Variants in NEDD4 observed in about 807,000 individuals in gnomAD.
NEDD4 encodes E3 ubiquitin-protein ligase NEDD4.
In NEDD4, 99 loss-of-function variants were observed where a neutral mutation model predicts 144.9. That is an observed-to-expected ratio of 0.68 (90% CI 0.58 to 0.81). The LOEUF (loss-of-function observed/expected upper bound fraction) is 0.81. Ranked by LOEUF, NEDD4 falls within the 30% of genes least tolerant of loss-of-function variation. The pLI is 0.00. For synonymous variants in NEDD4, 318 were observed against 350.6 expected (o/e 0.91, Z 1.04); for missense variants, 985 against 1,065.9 (o/e 0.92, Z 1.06).
chr15:55,835,712 T>C (rs1212755734), intron 24 of NEDD4, among the ~76,000 whole-genome samples: 1 of 152,058 alleles, frequency 6.6e-6, no homozygotes, highest in East Asian at 1.9e-4. Context: ...CAATCCTATC[T>C]CAACTCCCTC....
intron 4 of NEDD4, among the ~76,000 whole-genome samples, chr15:55,948,563 G>C (rs1239600862): frequency 6.6e-6 from 1 of 152,048 alleles, no homozygotes; most frequent in African/African-American, 2.4e-5. Context: ...ATACTACAAG[G>C]CTACAGTAAC....
intron 2 of NEDD4, among the ~76,000 whole-genome samples, chr15:55,956,160 G>GT (rs1303846539): frequency 6.6e-6 from 1 of 152,064 alleles, no homozygotes; most frequent in African/African-American, 2.4e-5. Context: ...TACATAGTAG[G>GT]TGTATGTATT....
At position 55,847,032 on chromosome 15, in the gene NEDD4, T is replaced by G. The variant is rs2033779542; in HGVS notation, c.1545A>C (p.Ala515=). 5.7e-6 allele frequency: 9 copies of G among 1,590,294 alleles called. No homozygotes were observed. The highest frequency in any genetic ancestry group is 7.7e-6 in the Non-Finnish European group (9 of 1,169,488). The change falls in exon 18 of 29, where the codon GCA becomes GCC. Residue 515 remains alanine (A), a splice_region_variant and synonymous_variant. Transcript: ENST00000435532. ...TTTTGTAATCCCTGGAGTAGGGCAC[T>G]GCCTTTAGTTGGAAATTTTGGAAAA... is the stretch of plus-strand genomic sequence containing the variant. The part of the protein sequence containing the change: ...RLENVAITGP[A]VPYSRDYKRK...
At chr15:55,936,094 T>C (rs576801899) in intron 4 of NEDD4, among the ~76,000 whole-genome samples, 27 of 152,268 alleles carry the variant, frequency 1.8e-4, no homozygotes, top group Admixed American at 6.5e-4. Context: ...ACTTCAAGTC[T>C]ATAACTTGAA....
chr15:55,829,724 A>T lies in NEDD4; in HGVS notation c.*173T>A. The T allele has an allele frequency of 3.6e-6, 2 of 562,100 alleles. No homozygotes were observed. Among genetic ancestry groups the T allele is most frequent in the Non-Finnish European group, 6.3e-6 (2 of 317,208 alleles). The allele number at this position is 562,100 out of a possible 1,614,324, so 34.8% of individuals were successfully genotyped here. On this transcript the variant is annotated 3_prime_UTR_variant, in exon 29 of 29. Transcript: ENST00000435532. ...TGTGTAAATGCAACACATTATTTAA[A>T]AGTGATTAAAAATAAGTTGTCGTAC...
intron 27 of NEDD4, among the ~76,000 whole-genome samples, chr15:55,831,627 T>C (rs2032954719): frequency 6.6e-6 from 1 of 152,146 alleles, no homozygotes; most frequent in African/African-American, 2.4e-5. Flanking sequence ...CTTTGAGTGG[T>C]TACTCTAGGT....
chr15:55,952,102 G>A (rs879319187), intron 2 of NEDD4, among the ~76,000 whole-genome samples: 2 of 151,880 alleles, frequency 1.3e-5, no homozygotes, highest in Non-Finnish European at 2.9e-5. Context: ...GCCGAGGCGG[G>A]CGGATCATGA....
chr15:55,923,433 A>C (rs1008864898), intron 5 of NEDD4, among the ~76,000 whole-genome samples: 3 of 150,824 alleles, frequency 2.0e-5, no homozygotes, highest in African/African-American at 7.3e-5. Context: ...GGATCACGAG[A>C]TCAGGAGATC....
chr15:55,982,381 C>T (rs1679128579), intron 1 of NEDD4, among the ~76,000 whole-genome samples: 1 of 151,976 alleles, frequency 6.6e-6, no homozygotes, highest in Non-Finnish European at 1.5e-5. Context: ...ATGTGTCCAT[C>T]GAAGGAGAAT....
intron 7 of NEDD4, among the ~76,000 whole-genome samples, chr15:55,870,562 C>T: frequency 6.9e-6 from 1 of 144,936 alleles, no homozygotes; most frequent in Non-Finnish European, 1.5e-5. Context: ...GAGACAGCAT[C>T]TCCCTCTGTC....
chr15:55,927,077 C>CAAAAAAAAAAAAACA (rs2036683642), intron 4 of NEDD4, among the ~76,000 whole-genome samples: 1 of 70,670 alleles, frequency 1.4e-5, no homozygotes, highest in African/African-American at 5.2e-5. Flanking sequence ...GACTACGTCT[C>CAAAAAAAAAAAAACA]AAAAAAAAAA....
At chr15:55,876,254 AG>A (rs2034988961) in intron 5 of NEDD4, among the ~76,000 whole-genome samples, 1 of 152,234 alleles carries the variant, frequency 6.6e-6, no homozygotes, top group African/African-American at 2.4e-5. Flanking sequence ...AATATGCTAT[AG>A]GAAGTTCTTC....
Position 55,910,112 on chromosome 15 carries a change from T to G in NEDD4, c.291+14534A>C, listed in dbSNP as rs137893846. Among the ~76,000 whole-genome samples the G allele has an allele frequency of 1.1e-3, 161 of 152,352 alleles. 2 individuals carry two copies. Among genetic ancestry groups the G allele is most frequent in the African/African-American group, 3.6e-3 (150 of 41,594 alleles). Reference sequence around the variant, plus strand: ...CAGGAAAAAGAGACTGTACTCTCCCTGTAGAGAGGGAGTTTGTCTTATACA... The same window carrying G: ...CAGGAAAAAGAGACTGTACTCTCCCGGTAGAGAGGGAGTTTGTCTTATACA... On this transcript the variant is annotated intron_variant, in intron 5 of 28. Transcript: ENST00000435532.
chr15:55,893,984 T>C (rs2035656176), intron 5 of NEDD4, among the ~76,000 whole-genome samples: 1 of 152,072 alleles, frequency 6.6e-6, no homozygotes, highest in African/African-American at 2.4e-5. Context: ...TCCTAGAAGT[T>C]CAAAATTTAC....
intron 26 of NEDD4, 120 bp downstream of exon 26, chr15:55,833,918 G>A: frequency 1.4e-6 from 1 of 718,182 alleles, no homozygotes; most frequent in Admixed American, 2.6e-5. Flanking sequence ...AATTTTTTCT[G>A]GTCTGTATAT....
At chr15:55,844,276 T>TTC (rs1236019124) in intron 18 of NEDD4, among the ~76,000 whole-genome samples, 2 of 152,080 alleles carry the variant, frequency 1.3e-5, no homozygotes, top group Non-Finnish European at 2.9e-5. Flanking sequence ...TGAATGCAGT[T>TTC]AAGAAGAGAG....
chr15:55,910,611 T>C (rs1178662335), intron 5 of NEDD4, among the ~76,000 whole-genome samples: 1 of 151,446 alleles, frequency 6.6e-6, no homozygotes, highest in Non-Finnish European at 1.5e-5. Context: ...AGGCTTTGAC[T>C]ATACTCCTGA....
chr15:55,920,530 C>T (rs1372729889), intron 5 of NEDD4, among the ~76,000 whole-genome samples: 2 of 152,110 alleles, frequency 1.3e-5, no homozygotes, highest in African/African-American at 4.8e-5. Context: ...TTTTATAACA[C>T]TCAAGTCTTA....
In NEDD4 at chr15:55,916,653, G is replaced by A. The variant is rs773946670; in HGVS notation, c.291+7993C>T. On this transcript the variant is annotated intron_variant, in intron 5 of 28. Coordinates refer to ENST00000435532, the MANE Select transcript of NEDD4 (RefSeq NM_006154.4). Reference sequence around the variant, plus strand: ...AGACTGAACGTTTTCCTTTATTAACGGAGCTAGTGCAGTCTGTCTGGGAGT... The same window carrying A: ...AGACTGAACGTTTTCCTTTATTAACAGAGCTAGTGCAGTCTGTCTGGGAGT... The A allele has an allele frequency of 8.1e-6, 13 of 1,613,902 alleles. No homozygotes were observed. Among genetic ancestry groups the A allele is most frequent in the Admixed American group, 1.7e-5 (1 of 59,980 alleles).
Sources: allele counts gnomAD v4.1 joint callset (sites outside exome capture counted in the v4.1 genomes callset), GRCh38; gene constraint gnomAD v4.1.1; transcripts MANE v1.5; gene names NCBI Gene and HGNC (gene_info 2026-07-23, HGNC 2026-07-21).